The following DNAJC2 variants were observed in gnomAD, a reference collection of about 807,000 sequenced individuals.
The protein encoded by DNAJC2 is DnaJ heat shock protein family (Hsp40) member C2.
In DNAJC2, 32 loss-of-function variants were observed where a neutral mutation model predicts 94.0. The ratio of observed to expected loss-of-function variants is 0.34; its 90% CI spans 0.26 to 0.46. The LOEUF (loss-of-function observed/expected upper bound fraction) is 0.46, where lower values mean the gene tolerates loss of function less well. Among genes scored for constraint, DNAJC2 ranks in the 20% least tolerant of loss-of-function variants. The probability of loss-of-function intolerance (pLI) is 1.00; values close to 1 mark genes in which losing one functional copy is unlikely to be tolerated. For missense variants in DNAJC2, 550 were observed against 719.5 expected, an observed-to-expected ratio of 0.76 and a Z score of 2.69; for synonymous variants, 210 against 229.7, an observed-to-expected ratio of 0.91 and a Z score of 0.77.
rs374864879 is a variant in DNAJC2 at position 103,315,782 on chromosome 7, G to A, written c.1618C>T (p.Pro540Ser). ...AATTTACCTTCAAATCGTTCTGAAG[G>A]CGTTGCGTTGTCTGCTTGAGGTACC... ...GVVPQADNAT[P>S]SERFEGPYTD... The change falls in exon 15 of 17, where the codon CCT (proline) becomes TCT (serine). Residue 540 changes from proline (P) to serine (S), a missense_variant. Coordinates refer to ENST00000379263, the MANE Select transcript of DNAJC2 (RefSeq NM_014377.3). 5.6e-6 allele frequency: 9 copies of A among 1,613,290 alleles called. No individual in the cohort carries two copies. The African/African-American group carries it at 9.4e-5, about 17-fold the overall frequency.
chr7:103,344,205 T>C (rs187656905), intron 1 of DNAJC2: 1 of 295,732 alleles, frequency 3.4e-6, no homozygotes, highest in Non-Finnish European at 6.3e-6. Context: ...CCCAGGCACG[T>C]GGGGTGCTCG....
chr7:103,341,825 T>C lies in DNAJC2; in HGVS notation c.194A>G (p.Asp65Gly). ...DKKELSEESE[D>G]EELQLEEFPM... ...AAACTCTTCCAACTGCAATTCTTCA[T>C]CTTCTGATTCCTCGGATAACTCTTT... is the stretch of plus-strand genomic sequence containing the variant. The change falls in exon 2 of 17, where the codon GAT (aspartate) becomes GGT (glycine). Residue 65 changes from aspartate to glycine, a missense_variant. Coordinates refer to ENST00000379263, the MANE Select transcript of DNAJC2 (RefSeq NM_014377.3). 2 of 1,611,084 alleles carry C rather than the reference T, an allele frequency of 1.2e-6. No individual in the cohort carries two copies. Among genetic ancestry groups the C allele is most frequent in the Non-Finnish European group, 1.7e-6 (2 of 1,179,098 alleles).
chr7:103,328,300 A>G (rs1563467326), intron 3 of DNAJC2, among the ~76,000 whole-genome samples: 1 of 152,130 alleles, frequency 6.6e-6, no homozygotes, highest in Non-Finnish European at 1.5e-5. Flanking sequence ...GTATTTCTGC[A>G]TAGACATTTT....
chr7:103,327,571 T>G, intron 4 of DNAJC2, 85 bp downstream of exon 4: 1 of 864,372 alleles, frequency 1.2e-6, no homozygotes, highest in Non-Finnish European at 1.8e-6. Flanking sequence ...TTGAATGAAC[T>G]ACAGTATGCA....
chr7:103,335,999 C>T (rs1819158982), intron 3 of DNAJC2: 1 of 152,216 alleles, frequency 6.6e-6, no homozygotes. Flanking sequence ...GAAATCCCGT[C>T]TCTATGAAAA....
intron 1 of DNAJC2, 39 bp from the exon 2 acceptor site, chr7:103,341,993 C>T: frequency 7.0e-7 from 1 of 1,437,112 alleles, no homozygotes; most frequent in Non-Finnish European, 9.3e-7. Context: ...CAGTGTATCG[C>T]ATGGAATAAA....
Position 103,312,384 on chromosome 7 carries a change from C to A in DNAJC2, c.*185G>T. 2.6e-6 allele frequency: 4 copies of A among 1,530,962 alleles called. No individual in the cohort carries two copies. The highest frequency in any genetic ancestry group is 3.5e-6 in the Non-Finnish European group (4 of 1,147,892). The allele number at this position is 1,530,962 out of a possible 1,614,324, so 94.8% of individuals were successfully genotyped here. ...AATTTGAATTAAATACTGTATCATA[C>A]TTTCAAAGGATAAAAAGACTACCCC... On this transcript the variant is annotated 3_prime_UTR_variant, in exon 17 of 17. Transcript: ENST00000379263.
intron 2 of DNAJC2, 42 bp from the exon 3 acceptor site, chr7:103,337,853 C>T (rs184288888): frequency 7.2e-7 from 1 of 1,392,582 alleles, no homozygotes; most frequent in Admixed American, 1.7e-5. Context: ...TGAAATGAAG[C>T]CAATATATTC....
chr7:103,320,018 A>G (rs1488704874), intron 10 of DNAJC2, among the ~76,000 whole-genome samples, 174 bp from the exon 11 acceptor site: 1 of 152,220 alleles, frequency 6.6e-6, no homozygotes, highest in African/African-American at 2.4e-5. Flanking sequence ...TGGACAACAG[A>G]GCAAGACTCC....
At chr7:103,344,220 G>T in intron 1 of DNAJC2, 1 of 326,896 alleles carries the variant, frequency 3.1e-6, no homozygotes, top group Non-Finnish European at 5.6e-6. Flanking sequence ...TGCTCGCTGC[G>T]CGTAGTCTTT....
chr7:103,337,815 G>GA lies in DNAJC2; in HGVS notation c.256-5dup, dbSNP rs752510242. On this transcript the variant is annotated splice_region_variant and splice_polypyrimidine_tract_variant and intron_variant, in intron 2 of 16. Coordinates refer to ENST00000379263, the MANE Select transcript of DNAJC2 (RefSeq NM_014377.3). Reference sequence around the variant, plus strand: ...GAACTGCATAATGATCTTGGTTCTGGAAAAAAAACACAAAAGGGAGTCAAA... The same window carrying GA: ...GAACTGCATAATGATCTTGGTTCTGGAAAAAAAAACACAAAAGGGAGTCAAA... The GA allele has an allele frequency of 4.1e-5, 66 of 1,604,990 alleles. No homozygotes were observed. The highest frequency in any genetic ancestry group is 6.7e-5 in the African/African-American group (5 of 74,136).
chr7:103,344,700 A>G lies in DNAJC2; in HGVS notation c.-78T>C. The G allele has an allele frequency of 2.0e-6, 3 of 1,471,632 alleles. No homozygotes were observed. The highest frequency in any genetic ancestry group is 1.9e-6 in the Non-Finnish European group (2 of 1,067,196). The allele number at this position is 1,471,632 out of a possible 1,614,324, so 91.2% of individuals were successfully genotyped here. On this transcript the variant is annotated 5_prime_UTR_variant, in exon 1 of 17. The change abolishes the stop of an existing upstream ORF in the 5' untranslated region. Transcript: ENST00000379263. ...GGCGCTTAGGGTCCCCTCCAGCTCT[A>G]CCTCTCACTCCGAGCCTCGCGCCTT...
At chr7:103,326,468 A>G in intron 5 of DNAJC2, 75 bp downstream of exon 5, 2 of 1,426,156 alleles carry the variant, frequency 1.4e-6, no homozygotes, top group Non-Finnish European at 2.0e-6. Context: ...TATCAGAGGG[A>G]AAGAGCAGAA....
In DNAJC2 at chr7:103,344,568, G is replaced by A; in HGVS notation, c.55C>T (p.Leu19=). ...DGRGTAITHA[L]TSASTLCQVE... is the part of the protein sequence containing the mutation. ...TTGGGTGGGCACTTACCAGAGGTCA[G>A]AGCGTGGGTGATGGCGGTGCCCCGG... The change falls in exon 1 of 17, where the codon CTG becomes TTG. Residue 19 remains leucine (L), a synonymous_variant. Coordinates refer to ENST00000379263, the MANE Select transcript of DNAJC2 (RefSeq NM_014377.3). 1 of 1,613,698 alleles carries A rather than the reference G, an allele frequency of 6.2e-7. No homozygotes were observed. The highest frequency in any genetic ancestry group is 8.5e-7 in the Non-Finnish European group (1 of 1,179,982).
At chr7:103,323,305 C>CA (rs139648059) in intron 7 of DNAJC2, among the ~76,000 whole-genome samples, 88 of 147,834 alleles carry the variant, frequency 6.0e-4, no homozygotes, top group African/African-American at 1.8e-3. Flanking sequence ...TGCACACATA[C>CA]AAAAAAAAAA....
At chr7:103,317,282 A>G in intron 12 of DNAJC2, 1 of 375,120 alleles carries the variant, frequency 2.7e-6, no homozygotes, top group Non-Finnish European at 4.8e-6. Flanking sequence ...CTTGGACACT[A>G]ATTGACAAGT....
intron 15 of DNAJC2, chr7:103,314,610 G>A: frequency 1.0e-6 from 1 of 985,374 alleles, no homozygotes; most frequent in Non-Finnish European, 1.2e-6. Flanking sequence ...CCTTTATAAA[G>A]AAGTGTCTTT....
chr7:103,340,026 T>G (rs552105948), intron 2 of DNAJC2, among the ~76,000 whole-genome samples: 1 of 152,056 alleles, frequency 6.6e-6, no homozygotes, highest in African/African-American at 2.4e-5. Flanking sequence ...TTAGTAGAGA[T>G]GGGGTTTCAC....
intron 3 of DNAJC2, among the ~76,000 whole-genome samples, chr7:103,331,114 G>A (rs1292923057): frequency 1.3e-5 from 2 of 151,472 alleles, no homozygotes; most frequent in East Asian, 3.9e-4. Flanking sequence ...CTGCCACCAC[G>A]CTCAGCTAAT....
Sources: gnomAD v4.1 joint callset for allele counts (sites outside exome capture counted in the v4.1 genomes callset) on GRCh38, gnomAD v4.1.1 for gene constraint, MANE v1.5 for transcripts, NCBI Gene and HGNC (gene_info 2026-07-23, HGNC 2026-07-21) for gene names.